EYS: variants seen among roughly 807,000 people sequenced by gnomAD.
EYS encodes the protein protein eyes shut homolog.
EYS carries 250 observed loss-of-function variants against 282.1 expected under a neutral mutation model. The observed-to-expected ratio is 0.89, with a 90% confidence interval of 0.80 to 0.98. The LOEUF is 0.98. EYS is among the 50% of genes least tolerant of loss of function. EYS has a pLI of 0.00. For missense variants in EYS, 4,016 were observed against 3,709.0 expected, an observed-to-expected ratio of 1.08 and a Z score of -2.15; for synonymous variants, 1,355 against 1,282.9, an observed-to-expected ratio of 1.06 and a Z score of -1.20.
intron 35 of EYS, among the ~76,000 whole-genome samples, chr6:63,942,691 C>T (rs1262388205): frequency 6.6e-6 from 1 of 152,024 alleles, no homozygotes; most frequent in Non-Finnish European, 1.5e-5. Flanking sequence ...ATAATTGGTA[C>T]CATATAGAAA....
intron 13 of EYS, among the ~76,000 whole-genome samples, chr6:65,012,678 C>T (rs993486145): frequency 3.3e-5 from 5 of 151,982 alleles, no homozygotes; most frequent in African/African-American, 7.3e-5. Context: ...AGGGGGACTG[C>T]CTAGAAGCTG....
rs57312007 is a variant in EYS at position 64,590,623 on chromosome 6, T to G, written c.5244A>C (p.Leu1748Phe). Residue 1748 changes from leucine to phenylalanine, a missense_variant, in exon 26 of 43, where the codon TTA (leucine) becomes TTC (phenylalanine). Transcript: ENST00000503581. ...HPSDSSLDFE[L>F]NLQIYPDVTL... The stretch of plus-strand genomic sequence containing the variant: ...TAACATCCGGATAAATTTGTAAGTT[T>G]AACTCAAAATCCAGAGAACTATCAC... The G allele has an allele frequency of 0.12, 191,705 of 1,551,050 alleles. 12,752 individuals are homozygous for G. The highest frequency in any genetic ancestry group is 0.13 in the Non-Finnish European group (154,415 of 1,146,528).
intron 12 of EYS, among the ~76,000 whole-genome samples, chr6:65,249,017 T>A (rs904132319): frequency 1.3e-5 from 2 of 151,016 alleles, no homozygotes; most frequent in African/African-American, 4.9e-5. Flanking sequence ...TAAGTTGATT[T>A]AAGAATATTT....
At chr6:63,914,713 T>A (rs1764374384) in intron 35 of EYS, among the ~76,000 whole-genome samples, 1 of 85,382 alleles carries the variant, frequency 1.2e-5, no homozygotes, top group Non-Finnish European at 2.7e-5. Flanking sequence ...GTCTCAACCG[T>A]CTCAAAAAAA....
intron 1 of EYS, among the ~76,000 whole-genome samples, chr6:65,698,460 G>C (rs540852731): frequency 6.6e-6 from 1 of 152,068 alleles, no homozygotes; most frequent in African/African-American, 2.4e-5. Flanking sequence ...ACTTTTTCTT[G>C]AATTATAAAT....
Position 64,617,365 on chromosome 6 carries a change from T to C in EYS, c.3684+53A>G, listed in dbSNP as rs554241712. The C allele has an allele frequency of 2.8e-5, 32 of 1,124,420 alleles. No homozygotes were observed. In the South Asian group the frequency reaches 4.1e-4, roughly 15 times the overall value. 69.7% of individuals were successfully genotyped at this position (1,124,420 alleles called of 1,614,324 possible). A position where few individuals can be genotyped will look rare whatever the true frequency, so the allele number is the denominator to read the frequency against. ...CCATATAATTTTCTACTATTTACTG[T>C]GTATCAAAGAGAATAAAAAATTATT... On this transcript the variant is annotated intron_variant, in intron 24 of 42. Transcript: ENST00000503581.
At chr6:64,758,644 T>C (rs527851484) in intron 22 of EYS, among the ~76,000 whole-genome samples, 96 of 152,294 alleles carry the variant, frequency 6.3e-4, no homozygotes, top group Middle Eastern at 6.8e-3. Flanking sequence ...CACTGCAGTT[T>C]GGAGTGAGAA....
At position 65,047,541 on chromosome 6, in the gene EYS, C is replaced by T. The variant is rs560571724; in HGVS notation, c.2137+10073G>A. Among the ~76,000 whole-genome samples, 322 of 152,004 alleles carry T rather than the reference C, an allele frequency of 2.1e-3. 1 individual carries two copies. Among genetic ancestry groups the T allele is most frequent in the African/African-American group, 7.3e-3 (301 of 41,504 alleles). On this transcript the variant is annotated intron_variant, in intron 13 of 42. Transcript: ENST00000503581. ...CTATGACCATTTATATTTAAGATGA[C>T]ATTTAATGTTATCACCAGATTTGTA...
intron 26 of EYS, among the ~76,000 whole-genome samples, chr6:64,467,654 G>A (rs1161185867): frequency 6.6e-6 from 1 of 152,090 alleles, no homozygotes; most frequent in Non-Finnish European, 1.5e-5. Context: ...CTGGGTACAT[G>A]AGAATGAGCC....
chr6:65,662,358 C>T (rs562348398), intron 1 of EYS, among the ~76,000 whole-genome samples: 1 of 152,218 alleles, frequency 6.6e-6, no homozygotes, highest in Admixed American at 6.5e-5. Flanking sequence ...AAAGTATGAT[C>T]ACCAGGTTAC....
At chr6:65,403,892 T>C (rs1348692286) in intron 6 of EYS, among the ~76,000 whole-genome samples, 1 of 152,084 alleles carries the variant, frequency 6.6e-6, no homozygotes, top group Non-Finnish European at 1.5e-5. Flanking sequence ...AACGATACTA[T>C]TAATAGTTCT....
chr6:63,900,919 G>T (rs571206258), intron 35 of EYS, among the ~76,000 whole-genome samples: 6 of 152,228 alleles, frequency 3.9e-5, no homozygotes, highest in Middle Eastern at 3.4e-3. Context: ...CCGTGAGGTG[G>T]AAAATAGAAT....
chr6:64,914,451 G>A (rs1768101273), intron 15 of EYS, among the ~76,000 whole-genome samples: 1 of 152,076 alleles, frequency 6.6e-6, no homozygotes, highest in South Asian at 2.1e-4. Context: ...CTGAAATAAT[G>A]TAACTTACTT....
At chr6:64,534,645 A>G (rs1463990760) in intron 26 of EYS, among the ~76,000 whole-genome samples, 3 of 151,958 alleles carry the variant, frequency 2.0e-5, no homozygotes, top group African/African-American at 7.3e-5. Flanking sequence ...TGGCCTGAAA[A>G]TACTTTTTTC....
chr6:64,662,653 A>T (rs1562120217), intron 22 of EYS, among the ~76,000 whole-genome samples: 1 of 152,174 alleles, frequency 6.6e-6, no homozygotes, highest in Non-Finnish European at 1.5e-5. Flanking sequence ...AGGCTAAATC[A>T]AATTTAGCCT....
intron 15 of EYS, among the ~76,000 whole-genome samples, chr6:64,928,578 G>A (rs1450501094): frequency 6.6e-6 from 1 of 151,976 alleles, no homozygotes; most frequent in Non-Finnish European, 1.5e-5. Context: ...ATGGTATTAT[G>A]TTTTTACATT....
intron 22 of EYS, among the ~76,000 whole-genome samples, chr6:64,646,320 G>A (rs1768348994): frequency 6.6e-6 from 1 of 152,106 alleles, no homozygotes; most frequent in Non-Finnish European, 1.5e-5. Flanking sequence ...TAAAATGCTT[G>A]AGAAAGGGAA....
intron 2 of EYS, among the ~76,000 whole-genome samples, chr6:65,536,123 A>G (rs1360467572): frequency 6.6e-6 from 1 of 152,142 alleles, no homozygotes; most frequent in Non-Finnish European, 1.5e-5. Flanking sequence ...ATGGGGAAGA[A>G]GACAATGACA....
intron 26 of EYS, among the ~76,000 whole-genome samples, chr6:64,547,085 T>A (rs181200622): frequency 1.7e-3 from 260 of 152,240 alleles, no homozygotes; most frequent in Non-Finnish European, 3.2e-3. Context: ...GGGTTTGTGG[T>A]CTTGCTGGCT....
Sources: allele counts gnomAD v4.1 joint callset (sites outside exome capture counted in the v4.1 genomes callset), GRCh38; gene constraint gnomAD v4.1.1; transcripts MANE v1.5; gene names NCBI Gene and HGNC (gene_info 2026-07-23, HGNC 2026-07-21).